Variants in HCST observed in about 807,000 individuals in gnomAD.
HCST encodes DNAX-activation protein 10.
HCST carries 12 observed loss-of-function variants against 10.8 expected under a neutral mutation model. The ratio of observed to expected loss-of-function variants is 1.12; its 90% CI spans 0.72 to 1.81. The LOEUF (loss-of-function observed/expected upper bound fraction) is 1.81. Among genes scored for constraint, HCST ranks in the 40% most tolerant of loss-of-function variants. The pLI is 0.00. For missense variants in HCST, 102 were observed against 117.9 expected, an observed-to-expected ratio of 0.87 and a Z score of 0.62; for synonymous variants, 59 against 51.6, an observed-to-expected ratio of 1.14 and a Z score of -0.61.
intron 2 of HCST, 57 bp from the exon 3 acceptor site, chr19:35,903,715 C>G: frequency 6.2e-7 from 1 of 1,613,094 alleles, no homozygotes; most frequent in Non-Finnish European, 8.5e-7. Context: ...GTGGCCAAAG[C>G]ACAGCCCCAG....
In HCST at chr19:35,903,624, A is replaced by G. The variant is rs867858829; in HGVS notation, c.110-148A>G. The stretch of plus-strand genomic sequence containing the variant: ...TCCTGGGACACCCCAGCCTCTCTGC[A>G]TCTGTCTCCCGTTTCATTCCCCAAG... On this transcript the variant is annotated intron_variant, in intron 2 of 3. Coordinates refer to ENST00000246551, the MANE Select transcript of HCST (RefSeq NM_014266.4). 6.2e-5 allele frequency: 75 copies of G among 1,207,350 alleles called. No individual in the cohort carries two copies. The African/African-American group carries it at 8.9e-4, about 14-fold the overall frequency. 74.8% of individuals were successfully genotyped at this position (1,207,350 alleles called of 1,614,324 possible). A position where few individuals can be genotyped will look rare whatever the true frequency, so the allele number is the denominator to read the frequency against.
At position 35,904,359 on chromosome 19, in the gene HCST, C is replaced by G. The variant is rs1300838148; in HGVS notation, c.*199C>G. 1.3e-6 allele frequency: 1 copy of G among 785,992 alleles called. No individual in the cohort carries two copies. The highest frequency in any genetic ancestry group is 1.5e-5 in the South Asian group (1 of 68,580). 48.7% of individuals were successfully genotyped at this position (785,992 alleles called of 1,614,324 possible). On this transcript the variant is annotated 3_prime_UTR_variant, in exon 4 of 4. Coordinates refer to ENST00000246551, the MANE Select transcript of HCST (RefSeq NM_014266.4). Reference sequence around the variant, plus strand: ...TCTGGATCCAAGGCCCCCTCAGAACCCCCACATGTCCCCATCCCATCAGCC... The same window carrying G: ...TCTGGATCCAAGGCCCCCTCAGAACGCCCACATGTCCCCATCCCATCAGCC...
chr19:35,903,571 C>A, intron 2 of HCST, 155 bp downstream of exon 2: 1 of 993,748 alleles, frequency 1.0e-6, no homozygotes, highest in Non-Finnish European at 1.5e-6. Context: ...CAGGAGCACC[C>A]CGTGTGCCCG....
chr19:35,904,032 C>A, intron 3 of HCST, 88 bp from the exon 4 acceptor site: 1 of 1,595,366 alleles, frequency 6.3e-7, no homozygotes. Flanking sequence ...CCTGGGGGAA[C>A]CCCTGAGGAA....
intron 1 of HCST, 34 bp from the exon 2 acceptor site, chr19:35,903,317 T>A: frequency 1.3e-6 from 2 of 1,592,328 alleles, no homozygotes; most frequent in Non-Finnish European, 1.7e-6. Context: ...GGACCTTCTC[T>A]CCACCCTCAT....
In HCST at chr19:35,903,429, C is replaced by T; in HGVS notation, c.109+13C>T. On this transcript the variant is annotated intron_variant, in intron 2 of 3. Transcript: ENST00000246551. ...CCTGGCACTTCAGGTATCACTTCCA[C>T]CCCAGAAGCTTGGCCAGAGGCTCCC... 2 of 1,611,826 alleles carry T rather than the reference C, an allele frequency of 1.2e-6. No individual in the cohort carries two copies. Among genetic ancestry groups the T allele is most frequent in the Non-Finnish European group, 1.7e-6 (2 of 1,178,024 alleles).
intron 2 of HCST, 43 bp from the exon 3 acceptor site, chr19:35,903,729 G>C (rs1017498724): frequency 3.1e-6 from 5 of 1,613,838 alleles, no homozygotes; most frequent in Non-Finnish European, 4.2e-6. Context: ...GCCCCAGGAC[G>C]CAGAGCTTGA....
chr19:35,903,101 C>T (rs1975621691), intron 1 of HCST: 3 of 482,200 alleles, frequency 6.2e-6, no homozygotes, highest in African/African-American at 2.0e-5. Context: ...GGTGATCCTC[C>T]CAGCTCAGCC....
chr19:35,903,932 A>G (rs8106480), intron 3 of HCST, 29 bp downstream of exon 3: 41,584 of 1,601,232 alleles, frequency 0.026, 2,226 homozygotes, highest in African/African-American at 0.21. Context: ...GGGGCCTGGA[A>G]GGTGTATAGT....
At chr19:35,903,284 C>T (rs924893657) in intron 1 of HCST, 67 bp from the exon 2 acceptor site, 24 of 1,412,494 alleles carry the variant, frequency 1.7e-5, no homozygotes, top group Non-Finnish European at 2.2e-5. Flanking sequence ...AGCCACGGTG[C>T]CAGGCTGAGC....
chr19:35,904,281 A>G lies in HCST; in HGVS notation c.*121A>G. 5.5e-6 allele frequency: 6 copies of G among 1,098,416 alleles called. No individual in the cohort carries two copies. The highest frequency in any genetic ancestry group is 2.1e-4 in the Middle Eastern group (1 of 4,838). The allele number at this position is 1,098,416 out of a possible 1,614,324, so 68.0% of individuals were successfully genotyped here. ...AAACAATTGAAACACCTGTAGTCGT[A>G]TTCTTTCTCAAAGAACCCCAGAGTT... On this transcript the variant is annotated 3_prime_UTR_variant, in exon 4 of 4. Transcript: ENST00000246551.
intron 3 of HCST, 54 bp downstream of exon 3, chr19:35,903,957 G>T: frequency 6.3e-7 from 1 of 1,580,796 alleles, no homozygotes. Flanking sequence ...CTAGGGAGGG[G>T]GTCCCAGGGA....
At chr19:35,904,026 GGGGAACCCCTGA>G in intron 3 of HCST, 82 bp from the exon 4 acceptor site, 1 of 1,593,936 alleles carries the variant, frequency 6.3e-7, no homozygotes, top group East Asian at 2.2e-5. Flanking sequence ...GAGGTGCCTG[GGGGAACCCCTGA>G]GGAAACCCCT....
chr19:35,903,854 C>A lies in HCST; in HGVS notation c.192C>A (p.Ile64=). ...CTGATGCGGTGGCATCGCTGCTCAT[C>A]GTGGGGGCGGTGTTCCTGTGCGCAC... ...VAADAVASLL[I]VGAVFLCARP... is the part of the protein sequence containing the mutation. The change falls in exon 3 of 4, where the codon ATC becomes ATA. Residue 64 remains isoleucine, a synonymous_variant. Transcript: ENST00000246551. 1 of 1,613,446 alleles carries A rather than the reference C, an allele frequency of 6.2e-7. No homozygotes were observed.
chr19:35,903,401 T>C lies in HCST; in HGVS notation c.94T>C (p.Tyr32His). The C allele has an allele frequency of 3.1e-6, 5 of 1,613,936 alleles. No individual in the cohort carries two copies. The South Asian group carries it at 4.4e-5, about 14-fold the overall frequency. Residue 32 changes from tyrosine to histidine, a missense_variant, in exon 2 of 4, where the codon TAC becomes CAC. Coordinates refer to ENST00000246551, the MANE Select transcript of HCST (RefSeq NM_014266.4). ...AGAGAGATCATCACTCCCTGCCTTT[T>C]ACCCTGGCACTTCAGGTATCACTTC... Reference protein sequence around the residue: ...PGERSSLPAFYPGTSGSCSGC... With the variant: ...PGERSSLPAFHPGTSGSCSGC...
At chr19:35,903,325 C>T (rs377074831) in intron 1 of HCST, 26 bp from the exon 2 acceptor site, 61 of 1,602,460 alleles carry the variant, frequency 3.8e-5, no homozygotes, top group Middle Eastern at 1.6e-4. Context: ...TCTCCACCCT[C>T]ATCCACCTTC....
chr19:35,903,711 A>G, intron 2 of HCST, 61 bp from the exon 3 acceptor site: 1 of 1,612,724 alleles, frequency 6.2e-7, no homozygotes, highest in South Asian at 1.1e-5. Flanking sequence ...GCCTGTGGCC[A>G]AAGCACAGCC....
chr19:35,904,011 TG>T, intron 3 of HCST, 108 bp downstream of exon 3: 2 of 1,586,954 alleles, frequency 1.3e-6, no homozygotes, highest in South Asian at 1.1e-5. Context: ...GGGGAAACCC[TG>T]GGGGAGGTGC....
In HCST at chr19:35,904,166, C is replaced by CT; in HGVS notation, c.*7dup. 1.2e-6 allele frequency: 2 copies of CT among 1,614,084 alleles called. No individual in the cohort carries two copies. The highest frequency in any genetic ancestry group is 1.7e-6 in the Non-Finnish European group (2 of 1,179,930). ...ACATGCCAGGCAGGGGCTGACCCTC[C>CT]TGCAGCTTGGACCTTTGACTTCTGA... On this transcript the variant is annotated 3_prime_UTR_variant, in exon 4 of 4. Coordinates refer to ENST00000246551, the MANE Select transcript of HCST (RefSeq NM_014266.4).
Sources: gnomAD v4.1 joint callset for allele counts on GRCh38, gnomAD v4.1.1 for gene constraint, MANE v1.5 for transcripts, NCBI Gene and HGNC (gene_info 2026-07-23, HGNC 2026-07-21) for gene names.